The following LRIG2 variants were observed in gnomAD, a reference collection of about 807,000 sequenced individuals.
LRIG2 encodes leucine-rich repeats and immunoglobulin-like domains protein 2.
Under a neutral mutation model 107.8 loss-of-function variants are expected in LRIG2, and 93 were observed. The observed-to-expected ratio is 0.86, with a 90% CI of 0.73 to 1.03. The LOEUF is 1.03. Ranked by LOEUF, LRIG2 falls within the 50% of genes least tolerant of loss-of-function variation. The pLI, the probability that LRIG2 is intolerant of heterozygous loss-of-function variation, is 0.00. For synonymous variants in LRIG2, 471 were observed against 470.6 expected (o/e 1.00, Z -0.01); for missense variants, 1,226 against 1,296.0 (o/e 0.95, Z 0.83).
At chr1:113,094,982 A>AT (rs386368107) in intron 6 of LRIG2, among the ~76,000 whole-genome samples, 19 of 50,514 alleles carry the variant, frequency 3.8e-4, no homozygotes, top group African/African-American at 7.2e-4. Context: ...ATATATATAT[A>AT]TATTTTTTTT....
intron 9 of LRIG2, 127 bp from the exon 10 acceptor site, chr1:113,100,084 C>T: frequency 6.0e-6 from 3 of 498,378 alleles, no homozygotes; most frequent in East Asian, 3.0e-5. Context: ...TCAATTGTAC[C>T]TCAGTAAAGC....
intron 1 of LRIG2, among the ~76,000 whole-genome samples, chr1:113,090,729 T>G (rs1332153458): frequency 6.6e-6 from 1 of 151,186 alleles, no homozygotes; most frequent in Non-Finnish European, 1.5e-5. Context: ...TCCCAGCTAC[T>G]AGGGAGGCTG....
intron 11 of LRIG2, among the ~76,000 whole-genome samples, 163 bp from the exon 12 acceptor site, chr1:113,107,431 T>C (rs1245176900): frequency 2.0e-5 from 3 of 152,320 alleles, no homozygotes; most frequent in East Asian, 3.9e-4. Context: ...GAGGTTGATA[T>C]ATTTAAAGAA....
rs551855336 is a variant in LRIG2 at position 113,120,313 on chromosome 1, G to A, written c.2971+790G>A. 2.0e-5 allele frequency among the ~76,000 whole-genome samples: 3 copies of A among 151,598 alleles called. No individual in the cohort carries two copies. In the South Asian group the frequency reaches 6.3e-4, roughly 32 times the overall value. ...AAAAATACAAAAATTAGCCTAACAT[G>A]GTGGTGCATGCCTGTAGTCCCACCT... On this transcript the variant is annotated intron_variant, in intron 17 of 17. Transcript: ENST00000361127.
rs1385558454 is a variant in LRIG2 at position 113,127,807 on chromosome 1, A to T, written c.*3706A>T. On this transcript the variant is annotated 3_prime_UTR_variant, in exon 18 of 18. Coordinates refer to ENST00000361127, the MANE Select transcript of LRIG2 (RefSeq NM_014813.3). ...GGCCTCGAACTCCTGACCTCAGGTG[A>T]TCCACCCGCCTCGGCCTCCTAGAGT... 1 of 151,942 alleles carries T rather than the reference A, an allele frequency of 6.6e-6. No individual in the cohort carries two copies. Among genetic ancestry groups the T allele is most frequent in the African/African-American group, 2.4e-5 (1 of 41,344 alleles). The allele number at this position is 151,942 out of a possible 1,614,324, so 9.4% of individuals were successfully genotyped here. A position where few individuals can be genotyped will look rare whatever the true frequency, so the allele number is the denominator to read the frequency against.
chr1:113,095,046 C>G (rs551404391), intron 6 of LRIG2, among the ~76,000 whole-genome samples: 2 of 151,180 alleles, frequency 1.3e-5, no homozygotes, highest in South Asian at 2.1e-4. Flanking sequence ...GTGATCTCAG[C>G]TCCTGCAACC....
rs777454733 is a variant in LRIG2 at position 113,112,501 on chromosome 1, G to A, written c.1821G>A (p.Thr607=). The change falls in exon 14 of 18, where the codon ACG becomes ACA. Residue 607 remains threonine (T), a synonymous_variant. Coordinates refer to ENST00000361127, the MANE Select transcript of LRIG2 (RefSeq NM_014813.3). ...CAGAGATGCCATCTTTTCTGAAAAC[G>A]CCAATGGATCTGACTATTCGCACTG... ...TVNEMPSFLK[T]PMDLTIRTGA... 1.2e-5 allele frequency: 19 copies of A among 1,598,582 alleles called. No individual in the cohort carries two copies. Among genetic ancestry groups the A allele is most frequent in the Non-Finnish European group, 1.5e-5 (17 of 1,169,360 alleles).
rs751703542 is a variant in LRIG2 at position 113,073,379 on chromosome 1, C to CT, written c.-27dup. ...CCTCCTTTTCTAGCAGGCAGCTCTT[C>CT]TAGGCCACGTCCAGGTCGAGGGGGA... On this transcript the variant is annotated 5_prime_UTR_variant, in exon 1 of 18. The change creates a premature stop within an existing upstream ORF in the 5' untranslated region. Transcript: ENST00000361127. 3.7e-5 allele frequency: 59 copies of CT among 1,588,534 alleles called. No individual in the cohort carries two copies. Among genetic ancestry groups the CT allele is most frequent in the Middle Eastern group, 1.7e-4 (1 of 6,012 alleles).
At chr1:113,116,477 C>T in intron 16 of LRIG2, 41 bp downstream of exon 16, 1 of 1,531,702 alleles carries the variant, frequency 6.5e-7, no homozygotes, top group South Asian at 1.2e-5. Flanking sequence ...TCAGCCTATT[C>T]TATTGAGTTT....
At chr1:113,114,231 C>T (rs1654898132) in intron 14 of LRIG2, among the ~76,000 whole-genome samples, 196 bp from the exon 15 acceptor site, 3 of 152,092 alleles carry the variant, frequency 2.0e-5, no homozygotes, top group South Asian at 2.1e-4. Flanking sequence ...CTTAGGATAG[C>T]TTGCCTAAGC....
chr1:113,077,105 C>A (rs1034881347), intron 1 of LRIG2, among the ~76,000 whole-genome samples: 3 of 151,386 alleles, frequency 2.0e-5, no homozygotes, highest in African/African-American at 7.3e-5. Flanking sequence ...TAAAAGTAAC[C>A]TTTTCCTTAC....
intron 1 of LRIG2, among the ~76,000 whole-genome samples, chr1:113,075,692 CTTTTTTTTTT>C (rs34293194): frequency 1.7e-5 from 2 of 117,742 alleles, no homozygotes; most frequent in Non-Finnish European, 1.6e-5. Context: ...GTGGCCTATA[CTTTTTTTTTT>C]TTTTTTTTTT....
chr1:113,111,930 C>T (rs1277652943), intron 13 of LRIG2, among the ~76,000 whole-genome samples: 1 of 152,096 alleles, frequency 6.6e-6, no homozygotes, highest in Non-Finnish European at 1.5e-5. Flanking sequence ...GCCTCAGCCT[C>T]CCAGGGAAGC....
rs1002455402 is a variant in LRIG2, at chr1:113,125,874, T to C, written c.*1773T>C. On this transcript the variant is annotated 3_prime_UTR_variant, in exon 18 of 18. Transcript: ENST00000361127. ...GGAATTCTTTTGGTAGTGAAATAGG[T>C]GCTCACACCTGCTTGCTCAGAATGT... is the stretch of plus-strand genomic sequence containing the variant. The C allele has an allele frequency of 6.6e-6, 1 of 152,264 alleles. No homozygotes were observed. 9.4% of individuals were successfully genotyped at this position (152,264 alleles called of 1,614,324 possible).
Position 113,112,584 on chromosome 1 carries a change from G to A in LRIG2, c.1904G>A (p.Trp635Ter). Residue 635 changes from tryptophan (W) to a stop codon, truncating the protein, a stop_gained, in exon 14 of 18, where the codon TGG becomes TAG. Coordinates refer to ENST00000361127, the MANE Select transcript of LRIG2 (RefSeq NM_014813.3). LOFTEE classifies it high-confidence loss of function. ...AEGHPAPQIS[W>*]QKDGGTDFPA... ...GGACACCCTGCACCTCAGATTTCCT[G>A]GCAGAAAGATGGTGGTACTGACTTT... The A allele has an allele frequency of 6.2e-7, 1 of 1,614,190 alleles. No homozygotes were observed. The highest frequency in any genetic ancestry group is 8.5e-7 in the Non-Finnish European group (1 of 1,180,024).
At chr1:113,105,979 C>G (rs1619133) in intron 11 of LRIG2, among the ~76,000 whole-genome samples, 54,609 of 151,994 alleles carry the variant, frequency 0.36, 10,209 homozygotes, top group East Asian at 0.65. Flanking sequence ...CCTGTAATCC[C>G]AGCACTCTGG....
In LRIG2 at chr1:113,100,498, T is replaced by C. The variant is rs1654260691; in HGVS notation, c.1313+10T>C. The C allele has an allele frequency of 6.9e-7, 1 of 1,454,866 alleles. No individual in the cohort carries two copies. The highest frequency in any genetic ancestry group is 9.6e-7 in the Non-Finnish European group (1 of 1,046,506). 90.1% of individuals were successfully genotyped at this position (1,454,866 alleles called of 1,614,324 possible). On this transcript the variant is annotated intron_variant, in intron 11 of 17. Transcript: ENST00000361127. ...CTCATTTAAAAGAACTGTAAGTAACTTGTCTTTTTAAAATCACCAGTTGGA... is the reference window on the plus strand; with the variant it reads ...CTCATTTAAAAGAACTGTAAGTAACCTGTCTTTTTAAAATCACCAGTTGGA...
chr1:113,099,086 G>A (rs558453819), intron 9 of LRIG2, among the ~76,000 whole-genome samples: 14 of 152,010 alleles, frequency 9.2e-5, no homozygotes, highest in Admixed American at 5.9e-4. Flanking sequence ...ACAAGCGCAT[G>A]CCACCATGCC....
Position 113,123,855 on chromosome 1 carries a change from T to G in LRIG2, c.2972-20T>G. ...AAGTTTTACCAGTCACTACTGATAA[T>G]TCTTGTCTTTCATTCTCAGAAACAT... On this transcript the variant is annotated intron_variant, in intron 17 of 17. Coordinates refer to ENST00000361127, the MANE Select transcript of LRIG2 (RefSeq NM_014813.3). 6.2e-7 allele frequency: 1 copy of G among 1,605,764 alleles called. No homozygotes were observed. Among genetic ancestry groups the G allele is most frequent in the Non-Finnish European group, 8.5e-7 (1 of 1,173,062 alleles).
Sources: allele counts gnomAD v4.1 joint callset (sites outside exome capture counted in the v4.1 genomes callset), GRCh38; gene constraint gnomAD v4.1.1; transcripts MANE v1.5; gene names NCBI Gene and HGNC (gene_info 2026-07-23, HGNC 2026-07-21).